Variants in THSD7B observed in about 807,000 individuals in gnomAD.
THSD7B encodes thrombospondin type-1 domain-containing protein 7B.
THSD7B carries 138 observed loss-of-function variants against 213.6 expected under a neutral mutation model. The observed-to-expected ratio is 0.65, with a 90% confidence interval of 0.56 to 0.74. The LOEUF (loss-of-function observed/expected upper bound fraction) is 0.74. Among genes scored for constraint, THSD7B ranks in the 30% least tolerant of loss-of-function variants. The probability of loss-of-function intolerance (pLI) is 0.00; values close to 1 mark genes in which losing one functional copy is unlikely to be tolerated. For synonymous variants in THSD7B, 742 were observed against 687.0 expected, an observed-to-expected ratio of 1.08 and a Z score of -1.25; for missense variants, 1,931 against 1,991.5, an observed-to-expected ratio of 0.97 and a Z score of 0.58.
chr2:137,014,748 C>T (rs900989360), intron 2 of THSD7B, among the ~76,000 whole-genome samples: 1 of 152,190 alleles, frequency 6.6e-6, no homozygotes, highest in Non-Finnish European at 1.5e-5. Context: ...GATTTTCCCT[C>T]CACAGTCAGA....
At chr2:136,840,522 G>A (rs924995275) in intron 1 of THSD7B, among the ~76,000 whole-genome samples, 4 of 152,132 alleles carry the variant, frequency 2.6e-5, no homozygotes, top group Admixed American at 6.6e-5. Context: ...ACAAGCAAAG[G>A]CATTGAAGCA....
chr2:137,137,850 C>A (rs1245044300), intron 5 of THSD7B, among the ~76,000 whole-genome samples: 23 of 151,926 alleles, frequency 1.5e-4, no homozygotes, highest in Non-Finnish European at 8.8e-5. Flanking sequence ...TCTTGAAGGG[C>A]ATCAGGGTTT....
At chr2:137,072,526 A>T (rs1365463829) in intron 3 of THSD7B, among the ~76,000 whole-genome samples, 17 of 152,098 alleles carry the variant, frequency 1.1e-4, no homozygotes, top group Non-Finnish European at 2.2e-4. Context: ...GGTTTTCTAG[A>T]TATACAATCA....
intron 7 of THSD7B, among the ~76,000 whole-genome samples, chr2:137,188,200 AAGG>A (rs1233702428): frequency 5.9e-5 from 9 of 152,196 alleles, no homozygotes; most frequent in Non-Finnish European, 4.4e-5. Flanking sequence ...CTGAGATTCA[AAGG>A]AGTTTACTTT....
At chr2:137,415,373 T>G (rs1686769774) in intron 14 of THSD7B, among the ~76,000 whole-genome samples, 1 of 152,162 alleles carries the variant, frequency 6.6e-6, no homozygotes. Context: ...AAACCATTGA[T>G]AATCACAGCC....
intron 7 of THSD7B, among the ~76,000 whole-genome samples, chr2:137,226,646 G>A (rs1681510624): frequency 1.3e-5 from 2 of 151,726 alleles, no homozygotes; most frequent in Admixed American, 1.3e-4. Context: ...TGTAGCCAGA[G>A]CCTATTCATC....
chr2:136,997,687 TC>T (rs2104821700), intron 2 of THSD7B, among the ~76,000 whole-genome samples: 2 of 152,254 alleles, frequency 1.3e-5, no homozygotes, highest in South Asian at 4.1e-4. Flanking sequence ...CCTAGTTTCC[TC>T]CCTCCAGTTA....
At chr2:137,583,208 G>T (rs1456890288) in intron 17 of THSD7B, among the ~76,000 whole-genome samples, 3 of 152,044 alleles carry the variant, frequency 2.0e-5, no homozygotes, top group Non-Finnish European at 2.9e-5. Context: ...TTGTAAATTT[G>T]TTTGAGTTCT....
intron 1 of THSD7B, among the ~76,000 whole-genome samples, chr2:136,785,918 A>G (rs952918952): frequency 1.1e-4 from 17 of 151,634 alleles, no homozygotes; most frequent in African/African-American, 3.9e-4. Flanking sequence ...GACCAAGCCC[A>G]GTGACCAGTC....
chr2:136,873,021 TAAAAAAAAA>T (rs1553454610), intron 1 of THSD7B, among the ~76,000 whole-genome samples: 2 of 43,504 alleles, frequency 4.6e-5, no homozygotes, highest in South Asian at 1.6e-3. Flanking sequence ...AGACTCCATC[TAAAAAAAAA>T]AAAAAAAAAA....
chr2:137,431,528 C>G (rs1687185364), intron 14 of THSD7B, among the ~76,000 whole-genome samples: 2 of 152,124 alleles, frequency 1.3e-5, no homozygotes, highest in Admixed American at 1.3e-4. Flanking sequence ...TTTGCAGGGC[C>G]ATTTCAAGAT....
Position 137,115,395 on chromosome 2 carries a change from A to G in THSD7B, c.1369+102A>G, listed in dbSNP as rs1688430013. 4.0e-6 allele frequency: 5 copies of G among 1,238,076 alleles called. No individual in the cohort carries two copies. In the African/African-American group the frequency reaches 6.3e-5, roughly 16 times the overall value. The allele number at this position is 1,238,076 out of a possible 1,614,324, so 76.7% of individuals were successfully genotyped here. A position where few individuals can be genotyped will look rare whatever the true frequency, so the allele number is the denominator to read the frequency against. On this transcript the variant is annotated intron_variant, in intron 5 of 27. Coordinates refer to ENST00000409968, the MANE Select transcript of THSD7B (RefSeq NM_001316349.2). ...TTGAAATAAGTGACACTTAGCATTC[A>G]CACATTTAATATTTATTTTGTTGAC...
intron 2 of THSD7B, among the ~76,000 whole-genome samples, chr2:136,980,975 G>A (rs188595568): frequency 6.6e-6 from 1 of 151,782 alleles, no homozygotes; most frequent in Non-Finnish European, 1.5e-5. Context: ...AGATAACCTG[G>A]ATACCCTCAG....
At chr2:137,092,530 A>G (rs1179536404) in intron 3 of THSD7B, among the ~76,000 whole-genome samples, 1 of 152,134 alleles carries the variant, frequency 6.6e-6, no homozygotes, top group African/African-American at 2.4e-5. Context: ...AAATATGGAC[A>G]TTTACTATCA....
rs565609797 is a variant in THSD7B, at chr2:137,515,342, A to C, written c.3139-47879A>C. ...CTTTGTCTGAAGTGATAAACCTTGC[A>C]CTGCCTGAGGCAATAATGATGGCCT... On this transcript the variant is annotated intron_variant, in intron 15 of 27. Coordinates refer to ENST00000409968, the MANE Select transcript of THSD7B (RefSeq NM_001316349.2). Among the ~76,000 whole-genome samples the C allele has an allele frequency of 2.0e-5, 3 of 152,222 alleles. No individual in the cohort carries two copies. In the East Asian group the frequency reaches 5.8e-4, roughly 29 times the overall value.
At chr2:137,596,979 G>A (rs1220342408) in intron 17 of THSD7B, among the ~76,000 whole-genome samples, 1 of 152,088 alleles carries the variant, frequency 6.6e-6, no homozygotes, top group Non-Finnish European at 1.5e-5. Context: ...CACATGTGGT[G>A]ATTAGTTTCG....
intron 15 of THSD7B, among the ~76,000 whole-genome samples, chr2:137,556,096 G>A (rs1259375556): frequency 6.6e-6 from 1 of 152,140 alleles, no homozygotes; most frequent in Non-Finnish European, 1.5e-5. Flanking sequence ...GGAGAGAAAG[G>A]AACCAAGTTG....
intron 12 of THSD7B, among the ~76,000 whole-genome samples, chr2:137,326,381 T>C (rs1684374934): frequency 6.6e-6 from 1 of 151,990 alleles, no homozygotes; most frequent in South Asian, 2.1e-4. Context: ...CCTCCTTTCT[T>C]ATCTTGGCAG....
At chr2:136,843,078 G>T (rs999831967) in intron 1 of THSD7B, among the ~76,000 whole-genome samples, 10 of 142,166 alleles carry the variant, frequency 7.0e-5, no homozygotes, top group Non-Finnish European at 1.0e-4. Context: ...CACTCGTATC[G>T]AGTGGTTTCA....
Sources: allele counts gnomAD v4.1 joint callset (sites outside exome capture counted in the v4.1 genomes callset), GRCh38; gene constraint gnomAD v4.1.1; transcripts MANE v1.5; gene names NCBI Gene and HGNC (gene_info 2026-07-23, HGNC 2026-07-21).